Variants in FBN1 observed in about 807,000 individuals in gnomAD.
FBN1 encodes the protein fibrillin-1.
In FBN1, 29 loss-of-function variants were observed where a neutral mutation model predicts 365.1. The observed-to-expected ratio is 0.08, with a 90% CI of 0.06 to 0.11. FBN1 has a LOEUF of 0.11. Among genes scored for constraint, FBN1 ranks in the 10% least tolerant of loss-of-function variants. FBN1 has a pLI of 1.00. For synonymous variants in FBN1, 1,210 were observed against 1,270.5 expected, an observed-to-expected ratio of 0.95 and a Z score of 1.01; for missense variants, 2,476 against 3,703.2, an observed-to-expected ratio of 0.67 and a Z score of 8.60.
chr15:48,446,850 C>A, intron 46 of FBN1, 28 bp from the exon 47 acceptor site: 1 of 1,458,130 alleles, frequency 6.9e-7, no homozygotes, highest in Non-Finnish European at 9.6e-7. Context: ...CATAAAGAAA[C>A]ATAATTATAA....
intron 45 of FBN1, among the ~76,000 whole-genome samples, chr15:48,450,860 G>C (rs946988101): frequency 6.7e-6 from 1 of 149,490 alleles, no homozygotes; most frequent in Admixed American, 6.6e-5. Flanking sequence ...TTTGCAGCAT[G>C]CCTGAAAAAA....
Position 48,465,550 on chromosome 15 carries a change from C to A in FBN1, c.4942+18G>T. The A allele has an allele frequency of 6.2e-7, 1 of 1,613,850 alleles. No individual in the cohort carries two copies. Among genetic ancestry groups the A allele is most frequent in the Non-Finnish European group, 8.5e-7 (1 of 1,179,892 alleles). On this transcript the variant is annotated intron_variant, in intron 40 of 65. Coordinates refer to ENST00000316623, the MANE Select transcript of FBN1 (RefSeq NM_000138.5). ...CTTGATATCTGCAAGACCTTATCAT[C>A]CTACCAGGACCATTTACCATCACAC...
intron 11 of FBN1, among the ~76,000 whole-genome samples, chr15:48,515,943 G>A (rs996557254): frequency 1.3e-5 from 2 of 152,142 alleles, no homozygotes; most frequent in African/African-American, 4.8e-5. Context: ...ATAGTTGCCT[G>A]AAAACACCAA....
intron 6 of FBN1, among the ~76,000 whole-genome samples, chr15:48,548,520 A>G (rs372170016): frequency 5.9e-5 from 9 of 152,220 alleles, no homozygotes; most frequent in East Asian, 3.8e-4. Context: ...AGAACTAGAA[A>G]AAAGATTTAA....
At position 48,516,314 on chromosome 15, in the gene FBN1, G is replaced by A. The variant is rs1363393532; in HGVS notation, c.1196C>T (p.Pro399Leu). 6.2e-7 allele frequency: 1 copy of A among 1,613,788 alleles called. No individual in the cohort carries two copies. Among genetic ancestry groups the A allele is most frequent in the Non-Finnish European group, 8.5e-7 (1 of 1,179,896 alleles). ...CSVPMVIPGR[P>L]EYPPPPLGPI... ...GCCAAGGGGTGGGGGAGGATATTCTGGTCTCCCAGGAATTACCATAGGAAC... is the reference window on the plus strand; with the variant it reads ...GCCAAGGGGTGGGGGAGGATATTCTAGTCTCCCAGGAATTACCATAGGAAC... Residue 399 changes from proline (P) to leucine (L), a missense_variant, in exon 11 of 66, where the codon CCA (proline) becomes CTA (leucine). Physicochemically the swap from Pro to Leu is moderately conservative, Grantham distance 98. This residue lies in a region of FBN1 where 421 missense variants were observed against 520.1 expected (regional missense o/e 0.81). Coordinates refer to ENST00000316623, the MANE Select transcript of FBN1 (RefSeq NM_000138.5).
chr15:48,435,469 A>C (rs1400839563), intron 53 of FBN1, among the ~76,000 whole-genome samples: 1 of 152,074 alleles, frequency 6.6e-6, no homozygotes, highest in African/African-American at 2.4e-5. Flanking sequence ...AAAAGACTAA[A>C]CTTACGTAAA....
At chr15:48,464,105 G>A in intron 40 of FBN1, 84 bp from the exon 41 acceptor site, 2 of 1,327,154 alleles carry the variant, frequency 1.5e-6, no homozygotes, top group African/African-American at 1.4e-5. Context: ...GTTGACATTA[G>A]AGGAGAAAAT....
At chr15:48,558,310 A>C (rs1480302827) in intron 6 of FBN1, among the ~76,000 whole-genome samples, 1 of 152,226 alleles carries the variant, frequency 6.6e-6, no homozygotes, top group Non-Finnish European at 1.5e-5. Context: ...AAACCATTTC[A>C]ACTTCAACAT....
intron 24 of FBN1, among the ~76,000 whole-genome samples, chr15:48,491,963 A>G (rs1442787054): frequency 1.3e-5 from 2 of 152,170 alleles, no homozygotes; most frequent in African/African-American, 4.8e-5. Flanking sequence ...GGGCTCTAGC[A>G]GTTGGCACAG....
intron 6 of FBN1, among the ~76,000 whole-genome samples, chr15:48,561,154 A>C (rs1157293550): frequency 6.6e-6 from 1 of 152,128 alleles, no homozygotes; most frequent in African/African-American, 2.4e-5. Context: ...TAAGTGCTAA[A>C]ACAAAATGAC....
At position 48,497,299 on chromosome 15, in the gene FBN1, A is replaced by G; in HGVS notation, c.2260T>C (p.Tyr754His). The G allele has an allele frequency of 6.2e-7, 1 of 1,614,072 alleles. No individual in the cohort carries two copies. The highest frequency in any genetic ancestry group is 8.5e-7 in the Non-Finnish European group (1 of 1,179,962). ...TTTTTCCCAGTTGAATCCACTTCATATCCTGAATTGCATATACATTTATAG... is the reference window on the plus strand; with the variant it reads ...TTTTTCCCAGTTGAATCCACTTCATGTCCTGAATTGCATATACATTTATAG... ...GTYKCICNSG[Y>H]EVDSTGKNCV... is the part of the protein sequence containing the mutation. The change falls in exon 19 of 66, where the codon TAT (tyrosine) becomes CAT (histidine). Residue 754 changes from tyrosine (Y) to histidine (H), a missense_variant. This residue lies in a region of FBN1 where 1,780 missense variants were observed against 2,840.8 expected (regional missense o/e 0.63). Coordinates refer to ENST00000316623, the MANE Select transcript of FBN1 (RefSeq NM_000138.5).
At chr15:48,530,472 A>G (rs2043960770) in intron 8 of FBN1, among the ~76,000 whole-genome samples, 1 of 152,208 alleles carries the variant, frequency 6.6e-6, no homozygotes, top group Non-Finnish European at 1.5e-5. Flanking sequence ...CTAAGATCAC[A>G]CAAAGCATTA....
chr15:48,613,489 C>CAT lies in FBN1; in HGVS notation c.165-399_165-398dup, dbSNP rs146214798. Among the ~76,000 whole-genome samples, 594 of 150,020 alleles carry CAT rather than the reference C, an allele frequency of 4.0e-3. 1 individual carries two copies. The highest frequency in any genetic ancestry group is 9.3e-3 in the South Asian group (44 of 4,756). ...ACTTCACATTTCTACACTTTGAAGCCATATATATATATATATTTTCCTACG... is the reference window on the plus strand; with the variant it reads ...ACTTCACATTTCTACACTTTGAAGCCATATATATATATATATATTTTCCTACG... On this transcript the variant is annotated intron_variant, in intron 2 of 65. Coordinates refer to ENST00000316623, the MANE Select transcript of FBN1 (RefSeq NM_000138.5).
chr15:48,419,369 T>C (rs1263512954), intron 63 of FBN1, among the ~76,000 whole-genome samples: 1 of 152,094 alleles, frequency 6.6e-6, no homozygotes, highest in Non-Finnish European at 1.5e-5. Context: ...CTCTCTTATG[T>C]TTTTTTCACT....
In FBN1 at chr15:48,425,862, T is replaced by G; in HGVS notation, c.7207A>C (p.Ile2403Leu). Residue 2403 changes from isoleucine (I) to leucine (L), a missense_variant and splice_region_variant, in exon 59 of 66, where the codon ATC becomes CTC. Ile to Leu is a conservative substitution (Grantham distance 5). Transcript: ENST00000316623. Reference sequence around the variant, plus strand: ...TCGTGAATAACCTTGCATTCATCGATATCTGTAATTTAACAAATATAAATT... The same window carrying G: ...TCGTGAATAACCTTGCATTCATCGAGATCTGTAATTTAACAAATATAAATT... ...GRGFMTNGADIDECKVIHDVC... is the reference protein window; with the variant it reads ...GRGFMTNGADLDECKVIHDVC... The G allele has an allele frequency of 6.2e-7, 1 of 1,606,636 alleles. No homozygotes were observed. The highest frequency in any genetic ancestry group is 1.1e-5 in the South Asian group (1 of 90,792).
intron 27 of FBN1, 53 bp downstream of exon 27, chr15:48,488,060 A>C: frequency 6.2e-7 from 1 of 1,613,046 alleles, no homozygotes; most frequent in Non-Finnish European, 8.5e-7. Context: ...TGAGCCATCA[A>C]AGCTTCATGG....
rs113577372 is a variant in FBN1 at position 48,441,811 on chromosome 15, C to A, written c.6073G>T (p.Ala2025Ser). The change falls in exon 50 of 66, where the codon GCC (alanine) becomes TCC (serine). Residue 2025 changes from alanine (A) to serine (S), a missense_variant. Around this residue, in one of 5 missense-constraint regions of FBN1, gnomAD observed 1,780 missense variants for 2,840.8 expected, o/e 0.63. Transcript: ENST00000316623. ...DECVEEPEIC[A>S]LGTCSNTEGS... is the part of the protein sequence containing the mutation. ...TCAGTGTTACTGCATGTGCCCAGGG[C>A]ACAAATTTCTGGCTCTTCGACACAC... 295 of 1,613,636 alleles carry A rather than the reference C, an allele frequency of 1.8e-4. No individual in the cohort carries two copies. In the African/African-American group the frequency reaches 3.8e-3, roughly 21 times the overall value.
At chr15:48,545,137 A>G (rs1418653589) in intron 6 of FBN1, among the ~76,000 whole-genome samples, 1 of 152,262 alleles carries the variant, frequency 6.6e-6, no homozygotes, top group African/African-American at 2.4e-5. Flanking sequence ...ATTTTTTCAA[A>G]GCCATGAAGC....
At chr15:48,640,499 T>A (rs142817628) in intron 2 of FBN1, among the ~76,000 whole-genome samples, 549 of 152,316 alleles carry the variant, frequency 3.6e-3, no homozygotes, top group African/African-American at 0.012. Flanking sequence ...TTTTCTGTAT[T>A]CCCTATTACA....
Sources: allele counts gnomAD v4.1 joint callset (sites outside exome capture counted in the v4.1 genomes callset), GRCh38; gene constraint gnomAD v4.1.1; regional missense constraint gnomAD v4.1.1; transcripts MANE v1.5; gene names NCBI Gene and HGNC (gene_info 2026-07-23, HGNC 2026-07-21).